The following CNTN4 variants were observed in gnomAD, a reference collection of about 807,000 sequenced individuals.
The protein encoded by CNTN4 is contactin 4, also known as contactin-4.
CNTN4 carries 77 observed loss-of-function variants against 122.5 expected under a neutral mutation model. That is an observed-to-expected ratio of 0.63 (90% CI 0.52 to 0.76). The LOEUF (loss-of-function observed/expected upper bound fraction) is 0.76. Among genes scored for constraint, CNTN4 ranks in the 30% least tolerant of loss-of-function variants. CNTN4 has a pLI of 0.00. For synonymous variants in CNTN4, 512 were observed against 447.0 expected (o/e 1.15, Z -1.83); for missense variants, 1,256 against 1,259.1 (o/e 1.00, Z 0.04).
At chr3:2,231,561 G>A (rs754500358) in intron 2 of CNTN4, among the ~76,000 whole-genome samples, 86 of 152,318 alleles carry the variant, frequency 5.6e-4, no homozygotes, top group African/African-American at 2.0e-3. Flanking sequence ...CATGACTCCA[G>A]TGATTGGAAC....
intron 4 of CNTN4, among the ~76,000 whole-genome samples, chr3:2,640,068 C>T (rs1004937729): frequency 6.6e-6 from 1 of 152,128 alleles, no homozygotes; most frequent in Admixed American, 6.5e-5. Flanking sequence ...CTGTTTTTGT[C>T]TGGCTTAAAG....
chr3:2,744,953 G>A (rs1371633697), intron 5 of CNTN4, among the ~76,000 whole-genome samples: 1 of 152,156 alleles, frequency 6.6e-6, no homozygotes, highest in African/African-American at 2.4e-5. Flanking sequence ...CGGTGGTGAA[G>A]GAGCTCTTCA....
intron 8 of CNTN4, among the ~76,000 whole-genome samples, chr3:2,873,314 A>G (rs1048467668): frequency 2.0e-5 from 3 of 152,238 alleles, no homozygotes; most frequent in African/African-American, 7.2e-5. Flanking sequence ...TGCCCAAGCC[A>G]GATAATATCA....
At chr3:2,990,332 T>G (rs554385150) in intron 14 of CNTN4, among the ~76,000 whole-genome samples, 1 of 152,330 alleles carries the variant, frequency 6.6e-6, no homozygotes, top group Admixed American at 6.5e-5. Flanking sequence ...TGAACATTTA[T>G]GATATTTCCA....
At chr3:2,187,353 A>C (rs2037319315) in intron 2 of CNTN4, among the ~76,000 whole-genome samples, 1 of 152,148 alleles carries the variant, frequency 6.6e-6, no homozygotes, top group Non-Finnish European at 1.5e-5. Context: ...GTTTGAAGTC[A>C]GGTAGCATGA....
chr3:2,961,231 C>CAAAAAAAAAAAAAAAA lies in CNTN4; in HGVS notation c.1359-27110_1359-27095dup, dbSNP rs59790353. Among the ~76,000 whole-genome samples, 326 of 37,138 alleles carry CAAAAAAAAAAAAAAAA rather than the reference C, an allele frequency of 8.8e-3. 13 individuals are homozygous for CAAAAAAAAAAAAAAAA. The highest frequency in any genetic ancestry group is 0.013 in the East Asian group (8 of 628). The allele number at this position is 37,138 out of a possible 152,430, so 24.4% of individuals were successfully genotyped here. ...GGCGACAGAACGAGACTCCATCTCA[C>CAAAAAAAAAAAAAAAA]AAAAAAAAAAAAAAAAAAAGGCCTA... On this transcript the variant is annotated intron_variant, in intron 13 of 24. Coordinates refer to ENST00000418658, the MANE Select transcript of CNTN4 (RefSeq NM_175607.3).
intron 2 of CNTN4, among the ~76,000 whole-genome samples, chr3:2,315,209 A>ATT (rs34866286): frequency 6.6e-6 from 1 of 150,498 alleles, no homozygotes; most frequent in African/African-American, 2.4e-5. Context: ...AATCAGCTCC[A>ATT]TTTTTTTTTT....
chr3:2,822,306 C>T (rs1046198350), intron 7 of CNTN4, among the ~76,000 whole-genome samples: 1 of 152,156 alleles, frequency 6.6e-6, no homozygotes, highest in East Asian at 1.9e-4. Flanking sequence ...ATTCTTTATG[C>T]CTCACTCTGC....
intron 3 of CNTN4, among the ~76,000 whole-genome samples, chr3:2,514,487 G>T (rs1437298222): frequency 6.6e-6 from 1 of 151,090 alleles, no homozygotes; most frequent in Non-Finnish European, 1.5e-5. Flanking sequence ...AAAAAAAAAT[G>T]AATATGACTG....
chr3:2,688,628 C>T (rs1576461940), intron 4 of CNTN4, among the ~76,000 whole-genome samples: 3 of 152,284 alleles, frequency 2.0e-5, no homozygotes, highest in East Asian at 1.9e-4. Flanking sequence ...GTGCAGACAG[C>T]TTGATAATGA....
Position 2,100,637 on chromosome 3 carries a change from C to T in CNTN4, c.-147C>T, listed in dbSNP as rs2031859213. 6.6e-6 allele frequency: 1 copy of T among 152,224 alleles called. No individual in the cohort carries two copies. Among genetic ancestry groups the T allele is most frequent in the South Asian group, 2.1e-4 (1 of 4,818 alleles). The allele number at this position is 152,224 out of a possible 1,614,324, so 9.4% of individuals were successfully genotyped here. A position where few individuals can be genotyped will look rare whatever the true frequency, so the allele number is the denominator to read the frequency against. Reference sequence around the variant, plus strand: ...GGCATTCATGAGAAAATTCACGTTACCCGTAAGTTTATTCTTGCTATTTTT... The same window carrying T: ...GGCATTCATGAGAAAATTCACGTTATCCGTAAGTTTATTCTTGCTATTTTT... On this transcript the variant is annotated splice_region_variant and 5_prime_UTR_variant, in exon 2 of 25. Coordinates refer to ENST00000418658, the MANE Select transcript of CNTN4 (RefSeq NM_175607.3).
Position 2,174,048 on chromosome 3 carries a change from C to G in CNTN4, c.-145+73409C>G, listed in dbSNP as rs377403912. On this transcript the variant is annotated intron_variant, in intron 2 of 24. Coordinates refer to ENST00000418658, the MANE Select transcript of CNTN4 (RefSeq NM_175607.3). The stretch of plus-strand genomic sequence containing the variant: ...CATATTTTACAAGCAGCATCAGGTA[C>G]AAGCTAAATGAGTGTCGCTGAGCCT... Among the ~76,000 whole-genome samples, 160 of 152,208 alleles carry G rather than the reference C, an allele frequency of 1.1e-3. 2 individuals carry two copies. The highest frequency in any genetic ancestry group is 3.6e-3 in the African/African-American group (150 of 41,524).
chr3:2,902,277 G>A (rs369186679), intron 11 of CNTN4, among the ~76,000 whole-genome samples: 5 of 152,014 alleles, frequency 3.3e-5, no homozygotes, highest in African/African-American at 1.2e-4. Context: ...CCTGTGCCAC[G>A]TACTAACTTT....
chr3:2,117,393 G>A (rs1311607508), intron 2 of CNTN4, among the ~76,000 whole-genome samples: 1 of 152,212 alleles, frequency 6.6e-6, no homozygotes, highest in African/African-American at 2.4e-5. Flanking sequence ...AACCTTTTGT[G>A]TTAAGCTGTC....
chr3:2,978,415 A>G (rs75548751), intron 13 of CNTN4, among the ~76,000 whole-genome samples: 1 of 152,172 alleles, frequency 6.6e-6, no homozygotes, highest in African/African-American at 2.4e-5. Context: ...AGAGAGGTTC[A>G]AGCCAGGCAT....
rs181769302 is a variant in CNTN4 at position 2,564,859 on chromosome 3, C to T, written c.-88-6557C>T. Reference sequence around the variant, plus strand: ...AAGAAATTTCAATGAAAGACTTTTCCAAATTAATCCGTATAACTGTGGACT... The same window carrying T: ...AAGAAATTTCAATGAAAGACTTTTCTAAATTAATCCGTATAACTGTGGACT... On this transcript the variant is annotated intron_variant, in intron 3 of 24. Transcript: ENST00000418658. 2.5e-4 allele frequency among the ~76,000 whole-genome samples: 38 copies of T among 152,140 alleles called. 1 individual carries two copies. The East Asian group carries it at 5.6e-3, about 22-fold the overall frequency.
chr3:2,127,860 A>G (rs1369399999), intron 2 of CNTN4, among the ~76,000 whole-genome samples: 1 of 152,208 alleles, frequency 6.6e-6, no homozygotes, highest in East Asian at 1.9e-4. Flanking sequence ...CCACTGGTGT[A>G]GTCAAAAGCA....
chr3:2,480,691 C>G (rs2075965632), intron 3 of CNTN4, among the ~76,000 whole-genome samples: 1 of 152,200 alleles, frequency 6.6e-6, no homozygotes, highest in Admixed American at 6.5e-5. Context: ...CCAACTTGAT[C>G]TATAGATTCG....
chr3:3,032,912 C>T (rs148109111), intron 16 of CNTN4, among the ~76,000 whole-genome samples: 2 of 152,232 alleles, frequency 1.3e-5, no homozygotes, highest in East Asian at 3.9e-4. Flanking sequence ...CGTAGCTATG[C>T]ATCGGTAGGA....
Sources: allele counts gnomAD v4.1 joint callset (sites outside exome capture counted in the v4.1 genomes callset), GRCh38; gene constraint gnomAD v4.1.1; transcripts MANE v1.5; gene names NCBI Gene and HGNC (gene_info 2026-07-23, HGNC 2026-07-21).